FSCN2: variants seen among roughly 807,000 people sequenced by gnomAD.
The protein encoded by FSCN2 is fascin actin-bundling protein 2, retinal, also known as fascin-2.
In FSCN2, 46 loss-of-function variants were observed where a neutral mutation model predicts 37.8. The observed-to-expected ratio is 1.22, with a 90% CI of 0.96 to 1.56. The LOEUF (loss-of-function observed/expected upper bound fraction) is 1.56, where lower values mean the gene tolerates loss of function less well. Among genes scored for constraint, FSCN2 ranks in the 40% most tolerant of loss-of-function variants. FSCN2 has a pLI of 0.00. For synonymous variants in FSCN2, 351 were observed against 309.4 expected, an observed-to-expected ratio of 1.13 and a Z score of -1.41; for missense variants, 844 against 730.4, an observed-to-expected ratio of 1.16 and a Z score of -1.79.
rs368996304 is a variant in FSCN2 at position 81,528,595 on chromosome 17, C to T, written c.64C>T (p.Arg22Cys). Residue 22 changes from arginine to cysteine, a missense_variant, in exon 1 of 5, where the codon CGC becomes TGC. Arg to Cys is a radical substitution (Grantham distance 180). Coordinates refer to ENST00000417245, the MANE Select transcript of FSCN2 (RefSeq NM_012418.4). ...GTTTGGCCTCGTCAACGACACTGAC[C>T]GCTACCTGACAGCTGAGAGCTTCGG... is the stretch of plus-strand genomic sequence containing the variant. Reference protein sequence around the residue: ...IQFGLVNDTDRYLTAESFGFK... With the variant: ...IQFGLVNDTDCYLTAESFGFK... 40 of 1,608,834 alleles carry T rather than the reference C, an allele frequency of 2.5e-5. No individual in the cohort carries two copies. Among genetic ancestry groups the T allele is most frequent in the South Asian group, 1.4e-4 (13 of 90,332 alleles).
At chr17:81,517,983 T>C in the FSCN2 span, among the ~76,000 whole-genome samples, 12 of 152,078 alleles carry the variant, frequency 7.9e-5, no homozygotes, top group Admixed American at 1.3e-4. Flanking sequence ...TCCCTGGCAG[T>C]GCGCGTCCTG....
rs794727711 is a variant in FSCN2 at position 81,537,084 on chromosome 17, C to T, written c.*4C>T. ...GACCGCGCTTTGGGAGTACTGAGGCCGCGCCCAGACCAGCCTGTCGCGCAT... is the reference window on the plus strand; with the variant it reads ...GACCGCGCTTTGGGAGTACTGAGGCTGCGCCCAGACCAGCCTGTCGCGCAT... On this transcript the variant is annotated 3_prime_UTR_variant, in exon 5 of 5. Transcript: ENST00000417245. 25 of 1,431,782 alleles carry T rather than the reference C, an allele frequency of 1.7e-5. No homozygotes were observed. The highest frequency in any genetic ancestry group is 1.7e-4 in the South Asian group (12 of 69,706). The allele number at this position is 1,431,782 out of a possible 1,614,324, so 88.7% of individuals were successfully genotyped here.
At position 81,532,356 on chromosome 17, in the gene FSCN2, GTGGTGA is replaced by G. The variant is rs1198786280; in HGVS notation, c.827-2681_827-2676del. ...GATGGTGATGATGATGATAGTGATG[GTGGTGA>G]TGGTGATGGTGATGATAGTGATGGC... On this transcript the variant is annotated intron_variant, in intron 1 of 4. Transcript: ENST00000417245. Among the ~76,000 whole-genome samples the G allele has an allele frequency of 4.8e-3, 555 of 116,466 alleles. 3 individuals are homozygous for G. The highest frequency in any genetic ancestry group is 5.6e-3 in the South Asian group (19 of 3,364). The allele number at this position is 116,466 out of a possible 152,430, so 76.4% of individuals were successfully genotyped here.
In FSCN2 at chr17:81,536,152, C is replaced by T. The variant is rs772669494; in HGVS notation, c.990C>T (p.Ala330=). The T allele has an allele frequency of 1.9e-6, 3 of 1,607,404 alleles. No homozygotes were observed. Among genetic ancestry groups the T allele is most frequent in the East Asian group, 4.5e-5 (2 of 44,698 alleles). The change falls in exon 3 of 5, where the codon GCC becomes GCT. Residue 330 remains alanine (A), a synonymous_variant. Coordinates refer to ENST00000417245, the MANE Select transcript of FSCN2 (RefSeq NM_012418.4). ...CTTTTGCTGCTCCCTCCAGTTCTGC[C>T]AACACCATGTTTGAGATGGAGTGGC... The part of the protein sequence containing the change: ...GIHATATQVS[A]NTMFEMEWRG...
At chr17:81,535,995 C>A in intron 2 of FSCN2, 151 bp from the exon 3 acceptor site, 1 of 938,946 alleles carries the variant, frequency 1.1e-6, no homozygotes. Flanking sequence ...AAGGAAAGCC[C>A]ACTGGGGCAG....
intron 1 of FSCN2, among the ~76,000 whole-genome samples, chr17:81,530,394 C>T (rs1381648930): frequency 6.6e-6 from 1 of 152,232 alleles, no homozygotes; most frequent in African/African-American, 2.4e-5. Context: ...CTCCCTCCAC[C>T]GCCTATGGGG....
Position 81,528,483 on chromosome 17 carries a change from A to C in FSCN2, c.-49A>C, listed in dbSNP as rs2032422281. 1 of 1,384,748 alleles carries C rather than the reference A, an allele frequency of 7.2e-7. No individual in the cohort carries two copies. The highest frequency in any genetic ancestry group is 1.0e-6 in the Non-Finnish European group (1 of 1,002,296). 85.8% of individuals were successfully genotyped at this position (1,384,748 alleles called of 1,614,324 possible). On this transcript the variant is annotated 5_prime_UTR_variant, in exon 1 of 5. Coordinates refer to ENST00000417245, the MANE Select transcript of FSCN2 (RefSeq NM_012418.4). The stretch of plus-strand genomic sequence containing the variant: ...CTGGGGGACCGCGGGGGCCGTGAGC[A>C]CTCAGAGGGCGCATCCCAGGCCCCT...
At chr17:81,529,514 G>T in intron 1 of FSCN2, 157 bp downstream of exon 1, 1 of 791,016 alleles carries the variant, frequency 1.3e-6, no homozygotes, top group East Asian at 2.5e-5. Context: ...TGGCCACTCA[G>T]GGTGTAGGTG....
intron 1 of FSCN2, chr17:81,529,763 G>A: frequency 2.4e-6 from 1 of 424,696 alleles, no homozygotes; most frequent in Non-Finnish European, 4.6e-6. Context: ...GGCTGTGGGG[G>A]GTCCATATCT....
At chr17:81,531,279 G>GTGGTGA (rs1568077007) in intron 1 of FSCN2, among the ~76,000 whole-genome samples, 49 of 55,408 alleles carry the variant, frequency 8.8e-4, no homozygotes, top group Middle Eastern at 0.023. Flanking sequence ...GATGGCGGTG[G>GTGGTGA]TGATGGTGAT....
At chr17:81,527,967 G>C (rs1555670356), upstream of FSCN2, among the ~76,000 whole-genome samples, 1 of 152,172 alleles carries the variant, frequency 6.6e-6, no homozygotes, top group Admixed American at 6.5e-5. Context: ...ACTGGATCCA[G>C]CTGAGGGCCT....
At chr17:81,528,207 C>T (rs1157175891), upstream of FSCN2, among the ~76,000 whole-genome samples, 4 of 152,202 alleles carry the variant, frequency 2.6e-5, no homozygotes, top group African/African-American at 4.8e-5. Context: ...GCCCCGTAGG[C>T]CCTCAGGCCC....
intron 1 of FSCN2, among the ~76,000 whole-genome samples, chr17:81,533,239 C>T (rs772770935): frequency 2.5e-4 from 38 of 152,324 alleles, no homozygotes; most frequent in Non-Finnish European, 4.4e-4. Context: ...GTATCCCCCC[C>T]CATCGGCCAG....
At chr17:81,527,988 G>A (rs1394496692), upstream of FSCN2, among the ~76,000 whole-genome samples, 6 of 152,298 alleles carry the variant, frequency 3.9e-5, no homozygotes, top group East Asian at 1.9e-4. Context: ...GGCGGCCACC[G>A]AGGGTACGGG....
chr17:81,519,445 G>A, the FSCN2 span, among the ~76,000 whole-genome samples: 1 of 152,198 alleles, frequency 6.6e-6, no homozygotes, highest in African/African-American at 2.4e-5. Flanking sequence ...GCCTGGGGCC[G>A]GGAGATGGCG....
the FSCN2 span, among the ~76,000 whole-genome samples, chr17:81,520,331 G>A: frequency 6.6e-6 from 1 of 152,216 alleles, no homozygotes; most frequent in Non-Finnish European, 1.5e-5. Flanking sequence ...GCCCAGGGAA[G>A]GATCATGGTT....
intron 3 of FSCN2, 35 bp from the exon 4 acceptor site, chr17:81,536,586 CG>C (rs1191815888): frequency 2.5e-6 from 4 of 1,603,552 alleles, no homozygotes; most frequent in Admixed American, 3.3e-5. Flanking sequence ...GGGAAGGTGG[CG>C]GGAGGGGCAG....
rs761626389 is a variant in FSCN2, at chr17:81,536,184, G to A, written c.1022G>A (p.Arg341Gln). 16 of 1,601,576 alleles carry A rather than the reference G, an allele frequency of 1.0e-5. No homozygotes were observed. Among genetic ancestry groups the A allele is most frequent in the South Asian group, 5.6e-5 (5 of 89,276 alleles). Reference sequence around the variant, plus strand: ...ATGTTTGAGATGGAGTGGCGTGGCCGGCGGGTAGCACTCAAAGCCAGCAAC... The same window carrying A: ...ATGTTTGAGATGGAGTGGCGTGGCCAGCGGGTAGCACTCAAAGCCAGCAAC... ...NTMFEMEWRG[R>Q]RVALKASNGR... Residue 341 changes from arginine to glutamine, a missense_variant, in exon 3 of 5, where the codon CGG (arginine) becomes CAG (glutamine). Transcript: ENST00000417245.
chr17:81,531,785 GAT>G lies in FSCN2; in HGVS notation c.826+2429_826+2430del, dbSNP rs2032633521. ...TGATGGTGATGATAGTGATGGTGAT[GAT>G]GGTGATGATGATAATGGTGATGATG... On this transcript the variant is annotated intron_variant, in intron 1 of 4. Coordinates refer to ENST00000417245, the MANE Select transcript of FSCN2 (RefSeq NM_012418.4). 8.8e-5 allele frequency among the ~76,000 whole-genome samples: 12 copies of G among 135,902 alleles called. 1 individual carries two copies. The highest frequency in any genetic ancestry group is 2.3e-4 in the African/African-American group (8 of 34,828). The allele number at this position is 135,902 out of a possible 152,430, so 89.2% of individuals were successfully genotyped here. A position where few individuals can be genotyped will look rare whatever the true frequency, so the allele number is the denominator to read the frequency against.
Sources: gnomAD v4.1 joint callset for allele counts (sites outside exome capture counted in the v4.1 genomes callset) on GRCh38, gnomAD v4.1.1 for gene constraint, MANE v1.5 for transcripts, NCBI Gene and HGNC (gene_info 2026-07-23, HGNC 2026-07-21) for gene names.